Variants in PHACTR3 observed in about 807,000 individuals in gnomAD.
PHACTR3 encodes phosphatase and actin regulator 3.
PHACTR3 carries 16 observed loss-of-function variants against 66.8 expected under a neutral mutation model. The observed-to-expected ratio is 0.24, with a 90% CI of 0.16 to 0.36. The LOEUF (loss-of-function observed/expected upper bound fraction) is 0.36. PHACTR3 is among the 10% of genes least tolerant of loss of function. The pLI is 1.00. For missense variants in PHACTR3, 647 were observed against 719.9 expected (o/e 0.90, Z 1.16); for synonymous variants, 323 against 292.1 (o/e 1.11, Z -1.08).
chr20:59,818,171 A>C (rs1159144624), intron 8 of PHACTR3, among the ~76,000 whole-genome samples: 1 of 152,228 alleles, frequency 6.6e-6, no homozygotes, highest in Non-Finnish European at 1.5e-5. Context: ...CAGGATGGAC[A>C]GAATGCCTCG....
At chr20:59,692,567 G>A (rs1194546357) in intron 1 of PHACTR3, among the ~76,000 whole-genome samples, 1 of 152,222 alleles carries the variant, frequency 6.6e-6, no homozygotes, top group Non-Finnish European at 1.5e-5. Context: ...ACCATTCTCT[G>A]TACTCTGCAT....
intron 8 of PHACTR3, among the ~76,000 whole-genome samples, chr20:59,832,460 T>C (rs2042411135): frequency 6.6e-6 from 1 of 152,176 alleles, no homozygotes; most frequent in Non-Finnish European, 1.5e-5. Context: ...CAGGGGGCCC[T>C]CACAGGCCTG....
chr20:59,711,319 C>T (rs187515672), intron 1 of PHACTR3, among the ~76,000 whole-genome samples: 12 of 152,252 alleles, frequency 7.9e-5, no homozygotes, highest in Admixed American at 2.6e-4. Flanking sequence ...TTTTGAACAG[C>T]GTAAACTTTT....
At chr20:59,800,491 G>C (rs2037668332) in intron 7 of PHACTR3, among the ~76,000 whole-genome samples, 1 of 151,982 alleles carries the variant, frequency 6.6e-6, no homozygotes, top group African/African-American at 2.4e-5. Context: ...CCACTGTCTT[G>C]TCATCCACAT....
intron 7 of PHACTR3, among the ~76,000 whole-genome samples, chr20:59,791,250 CTGTTA>C (rs1331889973): frequency 6.6e-6 from 1 of 152,164 alleles, no homozygotes; most frequent in African/African-American, 2.4e-5. Flanking sequence ...CTTTGCCCTT[CTGTTA>C]TGTTATGACA....
intron 7 of PHACTR3, among the ~76,000 whole-genome samples, chr20:59,786,932 A>ATT (rs11419617): frequency 2.7e-4 from 41 of 151,384 alleles, no homozygotes; most frequent in South Asian, 6.3e-4. Flanking sequence ...ACTAATCACT[A>ATT]TTTTTTTTTC....
chr20:59,609,004 G>A lies in PHACTR3; in HGVS notation c.118+3872G>A, dbSNP rs567207407. Among the ~76,000 whole-genome samples the A allele has an allele frequency of 4.7e-3, 720 of 152,322 alleles. 2 individuals carry two copies. The highest frequency in any genetic ancestry group is 7.8e-3 in the Non-Finnish European group (531 of 68,030). ...GACTTTCAGTAAGCATTTGTAGGAC[G>A]AATGGGCACAAGCCCCAGGCGCTGG... On this transcript the variant is annotated intron_variant, in intron 1 of 12. Coordinates refer to ENST00000371015, the MANE Select transcript of PHACTR3 (RefSeq NM_080672.5).
intron 1 of PHACTR3, among the ~76,000 whole-genome samples, chr20:59,681,399 A>G (rs1473130103): frequency 6.6e-6 from 1 of 152,162 alleles, no homozygotes; most frequent in Non-Finnish European, 1.5e-5. Flanking sequence ...TGTCCAAAAA[A>G]TTTGTAAAAC....
At position 59,654,527 on chromosome 20, in the gene PHACTR3, T is replaced by C. The variant is rs571508205; in HGVS notation, c.118+49395T>C. On this transcript the variant is annotated intron_variant, in intron 1 of 12. Coordinates refer to ENST00000371015, the MANE Select transcript of PHACTR3 (RefSeq NM_080672.5). Reference sequence around the variant, plus strand: ...CTCTAAAGGTAGGACAACCAGAAGTTATATGCCTCCTAATATGTAATTGGA... The same window carrying C: ...CTCTAAAGGTAGGACAACCAGAAGTCATATGCCTCCTAATATGTAATTGGA... Among the ~76,000 whole-genome samples, 76 of 152,286 alleles carry C rather than the reference T, an allele frequency of 5.0e-4. 1 individual carries two copies. In the Middle Eastern group the frequency reaches 0.017, roughly 34 times the overall value.
intron 7 of PHACTR3, among the ~76,000 whole-genome samples, chr20:59,799,767 CATTA>C (rs1297414288): frequency 6.6e-6 from 1 of 152,004 alleles, no homozygotes; most frequent in African/African-American, 2.4e-5. Context: ...AAATTTTTGC[CATTA>C]ATTAGGGTAT....
intron 7 of PHACTR3, among the ~76,000 whole-genome samples, chr20:59,795,401 TAA>T (rs1397620442): frequency 1.3e-4 from 1 of 7,496 alleles, no homozygotes; most frequent in African/African-American, 1.4e-3. Flanking sequence ...TTTTCTGGCC[TAA>T]TATATTATCT....
rs542603812 is a variant in PHACTR3 at position 59,609,644 on chromosome 20, G to A, written c.118+4512G>A. Among the ~76,000 whole-genome samples, 9 of 152,278 alleles carry A rather than the reference G, an allele frequency of 5.9e-5. No individual in the cohort carries two copies. In the East Asian group the frequency reaches 1.5e-3, roughly 26 times the overall value. On this transcript the variant is annotated intron_variant, in intron 1 of 12. Transcript: ENST00000371015. The stretch of plus-strand genomic sequence containing the variant: ...TCTCCTTTGCCTCAAACCCTCTAAT[G>A]CTGCCCCCTTCCTGGGCGTGGGAGA...
chr20:59,643,999 C>G (rs1420136080), intron 1 of PHACTR3, among the ~76,000 whole-genome samples: 1 of 152,204 alleles, frequency 6.6e-6, no homozygotes, highest in Non-Finnish European at 1.5e-5. Flanking sequence ...TAAGCGGCAT[C>G]TCCTCAAGGG....
Position 59,736,840 on chromosome 20 carries a change from C to T in PHACTR3, c.119-6267C>T, listed in dbSNP as rs1286560695. ...CCCTGGCACAGTCCTGGGCTTGAGC[C>T]ACCCCAGGGAAGGCAGAGGGGAGAG... On this transcript the variant is annotated intron_variant, in intron 1 of 12. Coordinates refer to ENST00000371015, the MANE Select transcript of PHACTR3 (RefSeq NM_080672.5). The surrounding 1 kb of genome is among the most constrained non-coding windows in gnomAD (Gnocchi z 4.6). Among the ~76,000 whole-genome samples the T allele has an allele frequency of 6.6e-6, 1 of 152,014 alleles. No individual in the cohort carries two copies. The highest frequency in any genetic ancestry group is 6.5e-5 in the Admixed American group (1 of 15,278).
intron 1 of PHACTR3, among the ~76,000 whole-genome samples, chr20:59,618,911 TTGCCTG>T (rs2034132819): frequency 2.0e-5 from 3 of 152,176 alleles, no homozygotes; most frequent in Admixed American, 2.0e-4. Context: ...CTCGGAGAGA[TTGCCTG>T]GGGTGCCCTA....
At chr20:59,803,341 G>A (rs2041472738) in intron 7 of PHACTR3, among the ~76,000 whole-genome samples, 1 of 151,876 alleles carries the variant, frequency 6.6e-6, no homozygotes, top group African/African-American at 2.4e-5. Flanking sequence ...TTTTTTGCCA[G>A]TTTTCTCTTT....
intron 1 of PHACTR3, among the ~76,000 whole-genome samples, chr20:59,625,353 C>A (rs1013681274): frequency 6.6e-6 from 1 of 151,776 alleles, no homozygotes; most frequent in East Asian, 1.9e-4. Context: ...GGGGTTTGCC[C>A]GGCAGGCAGC....
intron 3 of PHACTR3, among the ~76,000 whole-genome samples, chr20:59,754,412 T>C (rs996710973): frequency 1.3e-5 from 2 of 152,208 alleles, no homozygotes; most frequent in Non-Finnish European, 1.5e-5. Flanking sequence ...GCCCCGTTCC[T>C]GGGCTCACGG....
chr20:59,674,672 T>C (rs1318070068), intron 1 of PHACTR3, among the ~76,000 whole-genome samples: 2 of 76,964 alleles, frequency 2.6e-5, no homozygotes, highest in African/African-American at 1.2e-4. Flanking sequence ...CCACTTCTCC[T>C]CTTCCCACCT....
Sources: gnomAD v4.1 joint callset for allele counts (sites outside exome capture counted in the v4.1 genomes callset) on GRCh38, gnomAD v4.1.1 for gene constraint, Gnocchi (gnomAD v3.1) non-coding constraint, MANE v1.5 for transcripts, NCBI Gene and HGNC (gene_info 2026-07-23, HGNC 2026-07-21) for gene names.